The following CALN1 variants were observed in gnomAD, a reference collection of about 807,000 sequenced individuals.
The protein encoded by CALN1 is calneuron 1, also known as calcium-binding protein 8.
CALN1 carries 17 observed loss-of-function variants against 30.6 expected under a neutral mutation model. That is an observed-to-expected ratio of 0.56 (90% confidence interval 0.38 to 0.83). CALN1 has a LOEUF of 0.83. CALN1 is among the 40% of genes least tolerant of loss of function. CALN1 has a pLI of 0.00. For missense variants in CALN1, 291 were observed against 354.9 expected (o/e 0.82, Z 1.45); for synonymous variants, 156 against 131.4 (o/e 1.19, Z -1.28).
At chr7:71,810,066 C>T (rs1421083589) in intron 6 of CALN1, among the ~76,000 whole-genome samples, 4 of 152,108 alleles carry the variant, frequency 2.6e-5, no homozygotes, top group African/African-American at 4.8e-5. Context: ...ACCACACATC[C>T]AATCACACGC....
At chr7:72,141,726 G>C (rs6962484) in intron 3 of CALN1, among the ~76,000 whole-genome samples, 33,848 of 151,944 alleles carry the variant, frequency 0.22, 4,626 homozygotes, top group Non-Finnish European at 0.32. Context: ...GCATCACCAT[G>C]CCTGGCTAAT....
At chr7:71,840,759 A>T (rs886178457) in intron 5 of CALN1, among the ~76,000 whole-genome samples, 1 of 152,054 alleles carries the variant, frequency 6.6e-6, no homozygotes, top group African/African-American at 2.4e-5. Context: ...CACTTATGAA[A>T]TTTTTTTGTT....
Position 71,931,559 on chromosome 7 carries a change from G to A in CALN1, c.501+92098C>T, listed in dbSNP as rs762645289. The stretch of plus-strand genomic sequence containing the variant: ...TGGAATTACAAGCATGCGCCACCGC[G>A]CCCAGCTGAAAACCATGGTTTTCTT... On this transcript the variant is annotated intron_variant, in intron 5 of 6. Coordinates refer to ENST00000395275, the MANE Select transcript of CALN1 (RefSeq NM_031468.4). Among the ~76,000 whole-genome samples, 9 of 152,188 alleles carry A rather than the reference G, an allele frequency of 5.9e-5. No homozygotes were observed. The South Asian group carries it at 1.0e-3, about 18-fold the overall frequency.
At chr7:71,856,598 A>G (rs1016042685) in intron 5 of CALN1, among the ~76,000 whole-genome samples, 1 of 152,156 alleles carries the variant, frequency 6.6e-6, no homozygotes, top group Non-Finnish European at 1.5e-5. Flanking sequence ...TAACTGCTTC[A>G]TTTTCCACTG....
intron 4 of CALN1, among the ~76,000 whole-genome samples, chr7:72,093,176 A>G (rs570015493): frequency 6.6e-6 from 1 of 152,316 alleles, no homozygotes; most frequent in Non-Finnish European, 1.5e-5. Context: ...GCCACTTTTC[A>G]CCATCATGTT....
At chr7:72,050,255 A>G (rs973716329) in intron 4 of CALN1, among the ~76,000 whole-genome samples, 3 of 152,202 alleles carry the variant, frequency 2.0e-5, no homozygotes, top group African/African-American at 7.2e-5. Flanking sequence ...ACTCTAAAAC[A>G]TTCTTTCCAT....
At chr7:72,477,294 A>G in the CALN1 span, among the ~76,000 whole-genome samples, 3 of 152,308 alleles carry the variant, frequency 2.0e-5, no homozygotes, top group African/African-American at 7.2e-5. Flanking sequence ...GTAGAATTGT[A>G]TTAGGGGAGC....
intron 1 of CALN1, among the ~76,000 whole-genome samples, chr7:72,437,880 TTTCC>T (rs1326979354): frequency 7.5e-5 from 11 of 146,652 alleles, no homozygotes; most frequent in Middle Eastern, 3.5e-3. Context: ...TCCTTCTTTC[TTTCC>T]TTCCTTCCTC....
chr7:72,024,825 C>A (rs1008378616), intron 4 of CALN1, among the ~76,000 whole-genome samples: 2 of 152,218 alleles, frequency 1.3e-5, no homozygotes, highest in African/African-American at 4.8e-5. Context: ...CCTCTGCGTG[C>A]ATGTGTATGC....
chr7:71,833,439 A>G (rs1789409882), intron 5 of CALN1, among the ~76,000 whole-genome samples: 1 of 152,204 alleles, frequency 6.6e-6, no homozygotes, highest in African/African-American at 2.4e-5. Context: ...TATGAAGAAA[A>G]ATATGTGGCA....
intron 5 of CALN1, among the ~76,000 whole-genome samples, chr7:72,014,156 A>T (rs844709): frequency 8.4e-4 from 123 of 147,222 alleles, no homozygotes; most frequent in Middle Eastern, 3.8e-3. Context: ...GCTTGGTCTC[A>T]GCTCACTGCA....
intron 4 of CALN1, among the ~76,000 whole-genome samples, chr7:72,024,728 T>A (rs1401246390): frequency 6.6e-6 from 1 of 152,076 alleles, no homozygotes; most frequent in Non-Finnish European, 1.5e-5. Flanking sequence ...AAAATAGGGA[T>A]ACCACCTCAG....
intron 3 of CALN1, among the ~76,000 whole-genome samples, chr7:72,252,980 G>T (rs192480218): frequency 6.6e-6 from 1 of 152,250 alleles, no homozygotes; most frequent in East Asian, 1.9e-4. Flanking sequence ...ACTTCACAAA[G>T]TTACTTATTA....
chr7:71,798,868 C>T (rs1787128449), intron 6 of CALN1, among the ~76,000 whole-genome samples: 2 of 152,092 alleles, frequency 1.3e-5, no homozygotes, highest in Non-Finnish European at 2.9e-5. Context: ...TCGTGATCCA[C>T]CTGCCTTGGC....
chr7:72,127,042 C>T (rs930806000), intron 3 of CALN1, among the ~76,000 whole-genome samples: 7 of 151,740 alleles, frequency 4.6e-5, no homozygotes, highest in African/African-American at 1.5e-4. Flanking sequence ...AGGGTAAAAA[C>T]CCAAAGGAGA....
intron 5 of CALN1, among the ~76,000 whole-genome samples, chr7:72,002,643 G>GA (rs2129528663): frequency 6.6e-6 from 1 of 152,248 alleles, no homozygotes; most frequent in South Asian, 2.1e-4. Context: ...CTTTGATGTA[G>GA]AAAATCCCAA....
intron 3 of CALN1, among the ~76,000 whole-genome samples, chr7:72,265,106 C>T (rs1209956334): frequency 1.3e-5 from 2 of 152,202 alleles, no homozygotes; most frequent in Non-Finnish European, 2.9e-5. Context: ...CAGGCATGAG[C>T]CACCACGCCC....
intron 3 of CALN1, among the ~76,000 whole-genome samples, chr7:72,142,306 C>A (rs1054115591): frequency 6.6e-6 from 1 of 152,174 alleles, no homozygotes; most frequent in Non-Finnish European, 1.5e-5. Context: ...TCTTAGCAAA[C>A]GGCACACCAG....
At chr7:72,279,201 T>C (rs11763557) in intron 2 of CALN1, among the ~76,000 whole-genome samples, 8,130 of 152,220 alleles carry the variant, frequency 0.053, 297 homozygotes, top group Non-Finnish European at 0.08. Flanking sequence ...CCCAGAAGTG[T>C]AGGGATGCCC....
Sources: allele counts gnomAD v4.1 joint callset (sites outside exome capture counted in the v4.1 genomes callset), GRCh38; gene constraint gnomAD v4.1.1; transcripts MANE v1.5; gene names NCBI Gene and HGNC (gene_info 2026-07-23, HGNC 2026-07-21).